The following RRAGB variants were observed in gnomAD, a reference collection of about 807,000 sequenced individuals.
RRAGB encodes the protein Ras related GTP binding B, also known as ras-related GTP-binding protein B.
Under a neutral mutation model 29.3 loss-of-function variants are expected in RRAGB, and 6 were observed. The observed-to-expected ratio is 0.21, with a 90% CI of 0.11 to 0.40. The LOEUF (loss-of-function observed/expected upper bound fraction) is 0.40, where lower values mean the gene tolerates loss of function less well. Among genes scored for constraint, RRAGB ranks in the 10% least tolerant of loss-of-function variants. RRAGB has a pLI of 1.00. For missense variants in RRAGB, 184 were observed against 272.9 expected, an observed-to-expected ratio of 0.67 and a Z score of 2.29; for synonymous variants, 101 against 92.5, an observed-to-expected ratio of 1.09 and a Z score of -0.53.
chrX:55,754,879 C>T (rs1163258502), intron 7 of RRAGB, among the ~76,000 whole-genome samples: 1 of 111,609 alleles, frequency 9.0e-6, no homozygotes, highest in Non-Finnish European at 1.9e-5. Flanking sequence ...CTACCCTGAG[C>T]CTGTTTTTCC....
rs2033126480 is a variant in RRAGB, at chrX:55,718,299, A to G, written c.-29A>G. On this transcript the variant is annotated 5_prime_UTR_variant, in exon 1 of 10. Transcript: ENST00000374941. ...AAACCCTGAAGAGTACTGAAGATTTAGAAGGGACTGGAAAGGACTTGTTGC... is the reference window on the plus strand; with the variant it reads ...AAACCCTGAAGAGTACTGAAGATTTGGAAGGGACTGGAAAGGACTTGTTGC... 2 of 1,121,555 alleles carry G rather than the reference A, an allele frequency of 1.8e-6. No homozygotes were observed. The highest frequency in any genetic ancestry group is 3.9e-5 in the South Asian group (2 of 51,176). 92.4% of individuals were successfully genotyped at this position (1,121,555 alleles called of 1,213,427 possible).
chrX:55,725,870 T>C (rs1356992695), intron 3 of RRAGB, among the ~76,000 whole-genome samples: 2 of 111,430 alleles, frequency 1.8e-5, no homozygotes, highest in Non-Finnish European at 3.8e-5. Context: ...TAAAAAAAAA[T>C]CTTTATCATA....
intron 5 of RRAGB, among the ~76,000 whole-genome samples, chrX:55,744,386 C>CGAAAAAAAAAAA (rs2034177800): frequency 1.2e-4 from 1 of 8,066 alleles, no homozygotes; most frequent in African/African-American, 1.4e-4. Flanking sequence ...ACAGAGTGAG[C>CGAAAAAAAAAAA]CAAAAAAAAA....
Position 55,731,579 on chromosome X carries a change from G to A in RRAGB, c.509G>A (p.Arg170Gln). 1.7e-6 allele frequency: 2 copies of A among 1,179,444 alleles called. No homozygotes were observed. The highest frequency in any genetic ancestry group is 3.0e-5 in the East Asian group (1 of 33,514). Reference sequence around the variant, plus strand: ...ATGGATCTGGTACAGGAGGATCAACGGGACCTGGTAAGAAACAGAAGAAGT... The same window carrying A: ...ATGGATCTGGTACAGGAGGATCAACAGGACCTGGTAAGAAACAGAAGAAGT... ...HKMDLVQEDQ[R>Q]DLIFKEREED... Residue 170 changes from arginine to glutamine, a missense_variant, in exon 5 of 10, where the codon CGG becomes CAG. Coordinates refer to ENST00000374941, the MANE Select transcript of RRAGB (RefSeq NM_006064.5).
At chrX:55,752,116 C>A in intron 6 of RRAGB, 31 of 341,002 alleles carry the variant, frequency 9.1e-5, no homozygotes, top group South Asian at 3.0e-4. Flanking sequence ...TTAACTAATT[C>A]ATTTTCCCCA....
In RRAGB at chrX:55,718,417, TG is replaced by T; in HGVS notation, c.92+1del. 8.5e-7 allele frequency: 1 copy of T among 1,180,048 alleles called. No individual in the cohort carries two copies. The highest frequency in any genetic ancestry group is 1.1e-6 in the Non-Finnish European group (1 of 872,078). ...PPLGEPEGSL[G>X]WVLPNTAMKK... The stretch of plus-strand genomic sequence containing the variant: ...CACTAGGGGAACCGGAAGGATCGCT[TG>T]GGTGGGTGAAGGGTATTTGTGAAAC... On this transcript the variant is annotated frameshift_variant and splice_region_variant, in exon 1 of 10. Coordinates refer to ENST00000374941, the MANE Select transcript of RRAGB (RefSeq NM_006064.5). LOFTEE classifies it high-confidence loss of function.
intron 5 of RRAGB, among the ~76,000 whole-genome samples, chrX:55,741,463 A>G (rs1408719066): frequency 8.9e-6 from 1 of 112,524 alleles, no homozygotes; most frequent in Non-Finnish European, 1.9e-5. Context: ...ATTAGCAAAA[A>G]AACATAAAGC....
intron 3 of RRAGB, among the ~76,000 whole-genome samples, chrX:55,723,994 A>C (rs988992407): frequency 1.7e-4 from 19 of 112,508 alleles, no homozygotes; most frequent in Non-Finnish European, 3.4e-4. Context: ...ATTGAGAGTT[A>C]GATGCAGGTG....
At position 55,753,402 on chromosome X, in the gene RRAGB, G is replaced by A. The variant is rs766280968; in HGVS notation, c.623G>A (p.Ser208Asn). Residue 208 changes from serine to asparagine, a missense_variant, in exon 7 of 10, where the codon AGC becomes AAC. Coordinates refer to ENST00000374941, the MANE Select transcript of RRAGB (RefSeq NM_006064.5). ...WDETLYKAWSSIVYQLIPNVQ... is the reference protein window; with the variant it reads ...WDETLYKAWSNIVYQLIPNVQ... ...TTTCTGTTCTGTTAGGCTTGGTCCA[G>A]CATAGTTTATCAGCTGATTCCCAAT... 4 of 1,199,801 alleles carry A rather than the reference G, an allele frequency of 3.3e-6. No individual in the cohort carries two copies. The highest frequency in any genetic ancestry group is 3.6e-5 in the South Asian group (2 of 55,827).
chrX:55,742,007 A>G (rs1281970088), intron 5 of RRAGB, among the ~76,000 whole-genome samples: 1 of 112,435 alleles, frequency 8.9e-6, no homozygotes, highest in African/African-American at 3.2e-5. Flanking sequence ...AATCCTGCGT[A>G]CAACCAAAAA....
intron 5 of RRAGB, among the ~76,000 whole-genome samples, chrX:55,731,903 G>A (rs1295187600): frequency 8.9e-6 from 1 of 111,992 alleles, no homozygotes; most frequent in East Asian, 2.8e-4. Flanking sequence ...ATAGTGTCAA[G>A]GTTAAGACCC....
intron 6 of RRAGB, chrX:55,752,431 C>A: frequency 1.5e-6 from 1 of 666,815 alleles, no homozygotes; most frequent in Non-Finnish European, 1.8e-6. Flanking sequence ...TAACACCGAC[C>A]TGGGAACTTG....
chrX:55,749,147 T>C (rs1345862926), intron 5 of RRAGB, among the ~76,000 whole-genome samples: 237 of 41,722 alleles, frequency 5.7e-3, no homozygotes, highest in East Asian at 6.5e-3. Flanking sequence ...AAGTGAGGAG[T>C]CCCTCTGCCC....
In RRAGB at chrX:55,729,805, A is replaced by G. The variant is rs749980992; in HGVS notation, c.293+445A>G. The stretch of plus-strand genomic sequence containing the variant: ...TAAGTTACCTACTTTTTGGAAGAGT[A>G]GGAGTTAGCTCTTCCTCTTATGAGC... On this transcript the variant is annotated intron_variant, in intron 4 of 9. Coordinates refer to ENST00000374941, the MANE Select transcript of RRAGB (RefSeq NM_006064.5). Among the ~76,000 whole-genome samples the G allele has an allele frequency of 3.6e-5, 4 of 112,476 alleles. No individual in the cohort carries two copies. The South Asian group carries it at 1.5e-3, about 41-fold the overall frequency.
chrX:55,733,987 G>A lies in RRAGB; in HGVS notation c.516+2401G>A, dbSNP rs759667939. ...TTTGTTTCTTTTTTTTTTTTGAGAC[G>A]GAGTCTCGCTCTTTCACCCAGGCTG... On this transcript the variant is annotated intron_variant, in intron 5 of 9. Transcript: ENST00000374941. 1.1e-4 allele frequency among the ~76,000 whole-genome samples: 12 copies of A among 105,965 alleles called. No homozygotes were observed. In the South Asian group the frequency reaches 1.3e-3, roughly 11 times the overall value. 92.0% of individuals were successfully genotyped at this position (105,965 alleles called of 115,157 possible). A position where few individuals can be genotyped will look rare whatever the true frequency, so the allele number is the denominator to read the frequency against.
chrX:55,752,858 A>G (rs935604851), intron 6 of RRAGB, among the ~76,000 whole-genome samples: 5 of 111,604 alleles, frequency 4.5e-5, no homozygotes, highest in Admixed American at 1.9e-4. Flanking sequence ...ATAACAACAA[A>G]CCTTTGGGAA....
intron 7 of RRAGB, chrX:55,755,454 G>A: frequency 1.3e-6 from 1 of 746,110 alleles, no homozygotes; most frequent in Non-Finnish European, 1.6e-6. Context: ...TTAAACACAT[G>A]AAGTATACCT....
chrX:55,753,281 C>T, intron 6 of RRAGB, 111 bp from the exon 7 acceptor site: 1 of 573,626 alleles, frequency 1.7e-6, no homozygotes, highest in South Asian at 6.7e-5. Context: ...TTGTTTGGGA[C>T]TGGATTATCA....
chrX:55,731,316 G>A (rs2033670282), intron 4 of RRAGB, 48 bp from the exon 5 acceptor site: 10 of 955,124 alleles, frequency 1.0e-5, no homozygotes, highest in Non-Finnish European at 1.5e-5. Context: ...ATAAGTAGGA[G>A]TGATTGAATT....
Sources: allele counts gnomAD v4.1 joint callset (sites outside exome capture counted in the v4.1 genomes callset), GRCh38; gene constraint gnomAD v4.1.1; transcripts MANE v1.5; gene names NCBI Gene and HGNC (gene_info 2026-07-23, HGNC 2026-07-21).